Variants in MAPK8IP3 observed in about 807,000 individuals in gnomAD.
MAPK8IP3 encodes C-Jun-amino-terminal kinase-interacting protein 3.
In MAPK8IP3, 49 loss-of-function variants were observed where a neutral mutation model predicts 157.8. The observed-to-expected ratio is 0.31, with a 90% CI of 0.25 to 0.39. The LOEUF (loss-of-function observed/expected upper bound fraction) is 0.39. MAPK8IP3 is among the 10% of genes least tolerant of loss of function. The probability of loss-of-function intolerance (pLI) is 1.00; values close to 1 mark genes in which losing one functional copy is unlikely to be tolerated. For synonymous variants in MAPK8IP3, 897 were observed against 777.7 expected (o/e 1.15, Z -2.55); for missense variants, 1,478 against 1,889.4 (o/e 0.78, Z 4.04).
At chr16:1,721,140 C>A (rs2038491893) in intron 1 of MAPK8IP3, among the ~76,000 whole-genome samples, 1 of 151,168 alleles carries the variant, frequency 6.6e-6, no homozygotes, top group Admixed American at 6.6e-5. Context: ...GAGTTTGAGA[C>A]CAGCGTGACC....
intron 5 of MAPK8IP3, chr16:1,746,701 G>T: frequency 2.9e-6 from 1 of 340,438 alleles, no homozygotes; most frequent in Middle Eastern, 8.1e-4. Flanking sequence ...GCTACAGGGG[G>T]CTGCCGCTGT....
rs754852466 is a variant in MAPK8IP3, at chr16:1,767,917, G to A, written c.3522G>A (p.Glu1174=). Residue 1174 remains glutamate (E), a splice_region_variant and synonymous_variant, in exon 28 of 32, where the codon GAG becomes GAA. Coordinates refer to ENST00000610761, the MANE Select transcript of MAPK8IP3 (RefSeq NM_001318852.2). ...TGGTCATCTCCATCCCCCTGACAGA[G>A]AGTGAGTGGCCTGCACACCTGCAGG... ...NGVVISIPLT[E]TVVLHRGQLL... is the part of the protein sequence containing the mutation. 1 of 1,610,988 alleles carries A rather than the reference G, an allele frequency of 6.2e-7. No homozygotes were observed. Among genetic ancestry groups the A allele is most frequent in the Non-Finnish European group, 8.5e-7 (1 of 1,179,760 alleles).
At chr16:1,739,169 A>G (rs1286650031) in intron 4 of MAPK8IP3, among the ~76,000 whole-genome samples, 1 of 115,006 alleles carries the variant, frequency 8.7e-6, no homozygotes, top group Non-Finnish European at 1.7e-5. Context: ...TGTGAGTGTG[A>G]CCATCCATGT....
At position 1,765,167 on chromosome 16, in the gene MAPK8IP3, C is replaced by T. The variant is rs2042184217; in HGVS notation, c.2435C>T (p.Ser812Phe). 1 of 1,594,746 alleles carries T rather than the reference C, an allele frequency of 6.3e-7. No individual in the cohort carries two copies. The highest frequency in any genetic ancestry group is 8.6e-7 in the Non-Finnish European group (1 of 1,165,352). The change falls in exon 20 of 32, where the codon TCC becomes TTC. Residue 812 changes from serine to phenylalanine, a missense_variant. Ser to Phe is a radical substitution (Grantham distance 155). Coordinates refer to ENST00000610761, the MANE Select transcript of MAPK8IP3 (RefSeq NM_001318852.2). ...TVCNAHVLCI[S>F]SIPAASDSDY... is the part of the protein sequence containing the mutation. The stretch of plus-strand genomic sequence containing the variant: ...TGCAACGCGCACGTGCTGTGCATCT[C>T]CAGCATCCCCGGTGAGCAGCTGGAG...
chr16:1,755,233 G>A (rs1159112132), intron 8 of MAPK8IP3, among the ~76,000 whole-genome samples: 2 of 152,212 alleles, frequency 1.3e-5, no homozygotes, highest in African/African-American at 4.8e-5. Flanking sequence ...ATCTCAAACC[G>A]TGGAAAACGG....
intron 1 of MAPK8IP3, among the ~76,000 whole-genome samples, chr16:1,720,332 G>A (rs558611530): frequency 6.6e-6 from 1 of 152,204 alleles, no homozygotes; most frequent in African/African-American, 2.4e-5. Flanking sequence ...CACCGTGCCC[G>A]GCCAGCTTTT....
chr16:1,747,837 C>A (rs1409531365), intron 6 of MAPK8IP3, among the ~76,000 whole-genome samples: 1 of 152,110 alleles, frequency 6.6e-6, no homozygotes, highest in Non-Finnish European at 1.5e-5. Flanking sequence ...TCCCACTAAC[C>A]AGTAGCCTAC....
Position 1,767,710 on chromosome 16 carries a change from T to A in MAPK8IP3, c.3384T>A (p.Ile1128=), listed in dbSNP as rs758438322. 1.2e-6 allele frequency: 2 copies of A among 1,612,672 alleles called. No individual in the cohort carries two copies. Among genetic ancestry groups the A allele is most frequent in the Non-Finnish European group, 1.7e-6 (2 of 1,179,968 alleles). The stretch of plus-strand genomic sequence containing the variant: ...ACCAGCATCTACAGGACGTGGACAT[T>A]GAGCCCTACGTCAGCAAGATGCTAG... The part of the protein sequence containing the change: ...HTHQHLQDVD[I]EPYVSKMLGT... The change falls in exon 27 of 32, where the codon ATT becomes ATA. Residue 1128 remains isoleucine, a synonymous_variant. Transcript: ENST00000610761.
intron 1 of MAPK8IP3, among the ~76,000 whole-genome samples, chr16:1,719,668 C>CAAAAAAA (rs58680997): frequency 2.0e-5 from 1 of 51,124 alleles, no homozygotes; most frequent in Non-Finnish European, 4.6e-5. Flanking sequence ...CCCATCTCTA[C>CAAAAAAA]AAAAAAAAAA....
Position 1,737,900 on chromosome 16 carries a change from G to A in MAPK8IP3, c.603-5432G>A, listed in dbSNP as rs1247799977. On this transcript the variant is annotated intron_variant, in intron 4 of 31. Transcript: ENST00000610761. ...CGTCCGTGTGAGCATCCGTGTGAGC[G>A]TGTGACCGTCCGTGTGTGTGACCAT... 4.9e-4 allele frequency among the ~76,000 whole-genome samples: 38 copies of A among 76,886 alleles called. 1 individual carries two copies. Among genetic ancestry groups the A allele is most frequent in the Non-Finnish European group, 1.5e-4 (6 of 39,288 alleles). The allele number at this position is 76,886 out of a possible 152,430, so 50.4% of individuals were successfully genotyped here.
chr16:1,749,040 T>C (rs978015595), intron 8 of MAPK8IP3: 4 of 413,616 alleles, frequency 9.7e-6, no homozygotes, highest in Non-Finnish European at 1.9e-5. Flanking sequence ...GTTGCTGTTA[T>C]GCTGTGTCGT....
intron 12 of MAPK8IP3, 93 bp from the exon 13 acceptor site, chr16:1,761,131 A>G: frequency 1.0e-6 from 1 of 1,004,872 alleles, no homozygotes; most frequent in Non-Finnish European, 1.6e-6. Context: ...GCACAGAGGC[A>G]AGGACACAGG....
intron 1 of MAPK8IP3, among the ~76,000 whole-genome samples, chr16:1,711,549 G>A: frequency 6.6e-6 from 1 of 152,206 alleles, no homozygotes; most frequent in Non-Finnish European, 1.5e-5. Flanking sequence ...CAGGGCTGGA[G>A]GATGAGCTGT....
At position 1,747,235 on chromosome 16, in the gene MAPK8IP3, G is replaced by A. The variant is rs2041021179; in HGVS notation, c.954G>A (p.Met318Ile). 1.2e-6 allele frequency: 2 copies of A among 1,613,826 alleles called. No individual in the cohort carries two copies. Among genetic ancestry groups the A allele is most frequent in the Admixed American group, 3.3e-5 (2 of 60,028 alleles). ...RAREKRDSRN[M>I]EVQVTQEMRN... ...GGGAGAAGCGCGACAGCCGCAACAT[G>A]GAAGTACAGGTCACCCAGGAGATGC... is the stretch of plus-strand genomic sequence containing the variant. Residue 318 changes from methionine (M) to isoleucine (I), a missense_variant, in exon 6 of 32, where the codon ATG becomes ATA. Met to Ile is a conservative substitution (Grantham distance 10). Transcript: ENST00000610761.
intron 8 of MAPK8IP3, among the ~76,000 whole-genome samples, chr16:1,755,761 C>T (rs760674707): frequency 3.3e-5 from 5 of 150,414 alleles, no homozygotes; most frequent in South Asian, 2.1e-4. Context: ...GCAAGTGAAT[C>T]GCTTGAACCC....
At chr16:1,713,300 T>A (rs2037916988) in intron 1 of MAPK8IP3, among the ~76,000 whole-genome samples, 1 of 152,174 alleles carries the variant, frequency 6.6e-6, no homozygotes, top group South Asian at 2.1e-4. Flanking sequence ...CCCAGGCTGG[T>A]CTCAAACTTC....
In MAPK8IP3 at chr16:1,743,012, G is replaced by A. The variant is rs773925584; in HGVS notation, c.603-320G>A. ...TGGGAGGCTGAGGCAGGAGAATGGC[G>A]TGAACCTGGGAGGTGGAACTTGCAG... On this transcript the variant is annotated intron_variant, in intron 4 of 31. Coordinates refer to ENST00000610761, the MANE Select transcript of MAPK8IP3 (RefSeq NM_001318852.2). This position sits in a 1 kb window ranked among gnomAD's most constrained non-coding sequence, Gnocchi z 5.6. Among the ~76,000 whole-genome samples, 51 of 151,978 alleles carry A rather than the reference G, an allele frequency of 3.4e-4. No individual in the cohort carries two copies. The highest frequency in any genetic ancestry group is 1.1e-3 in the African/African-American group (47 of 41,338).
At chr16:1,748,052 C>T (rs539986641) in intron 6 of MAPK8IP3, among the ~76,000 whole-genome samples, 192 bp from the exon 7 acceptor site, 4 of 152,288 alleles carry the variant, frequency 2.6e-5, no homozygotes, top group South Asian at 2.1e-4. Flanking sequence ...CTCCAGGCCC[C>T]GCCTCAGACG....
intron 1 of MAPK8IP3, among the ~76,000 whole-genome samples, chr16:1,714,700 C>A (rs767896515): frequency 3.3e-5 from 5 of 152,142 alleles, no homozygotes; most frequent in Admixed American, 1.3e-4. Context: ...TCCCAGTGGG[C>A]CCTTGCACAC....
Sources: gnomAD v4.1 joint callset for allele counts (sites outside exome capture counted in the v4.1 genomes callset) on GRCh38, gnomAD v4.1.1 for gene constraint, Gnocchi (gnomAD v3.1) non-coding constraint, MANE v1.5 for transcripts, NCBI Gene and HGNC (gene_info 2026-07-23, HGNC 2026-07-21) for gene names.